Variants in AP1G1 observed in about 807,000 individuals in gnomAD.
AP1G1 encodes the protein AP-1 complex subunit gamma-1.
A neutral mutation model predicts 108.3 loss-of-function variants in AP1G1; 7 were observed. The observed-to-expected ratio is 0.06, with a 90% CI of 0.04 to 0.12. The LOEUF (loss-of-function observed/expected upper bound fraction) is 0.12, where lower values mean the gene tolerates loss of function less well. AP1G1 is among the 10% of genes least tolerant of loss of function. The probability of loss-of-function intolerance (pLI) is 1.00; values close to 1 mark genes in which losing one functional copy is unlikely to be tolerated. For synonymous variants in AP1G1, 379 were observed against 353.5 expected, an observed-to-expected ratio of 1.07 and a Z score of -0.81; for missense variants, 756 against 1,010.7, an observed-to-expected ratio of 0.75 and a Z score of 3.42.
rs2045455634 is a variant in AP1G1, at chr16:71,729,238, A to G, written c.*3820T>C. 1 of 152,452 alleles carries G rather than the reference A, an allele frequency of 6.6e-6. No homozygotes were observed. The allele number at this position is 152,452 out of a possible 1,614,324, so 9.4% of individuals were successfully genotyped here. On this transcript the variant is annotated 3_prime_UTR_variant, in exon 23 of 23. Coordinates refer to ENST00000299980, the MANE Select transcript of AP1G1 (RefSeq NM_001128.6). Reference sequence around the variant, plus strand: ...TGTCCCACTTGGAAACAGCTTTTTAATATTTTTACAGTAAAGAAGATGTGA... The same window carrying G: ...TGTCCCACTTGGAAACAGCTTTTTAGTATTTTTACAGTAAAGAAGATGTGA...
Position 71,769,654 on chromosome 16 carries a change from C to A in AP1G1, c.611G>T (p.Arg204Leu). The A allele has an allele frequency of 6.2e-7, 1 of 1,613,612 alleles. No individual in the cohort carries two copies. Among genetic ancestry groups the A allele is most frequent in the Non-Finnish European group, 8.5e-7 (1 of 1,179,690 alleles). ...SVVLLTEMCE[R>L]SPDMLAHFRK... ...GAAATGCGCAAGCATGTCTGGGCTT[C>A]GCTCACACATTTCTGTGAGGAGGAC... Residue 204 changes from arginine (R) to leucine (L), a missense_variant, in exon 6 of 23, where the codon CGA (arginine) becomes CTA (leucine). Around this residue, in one of 3 missense-constraint regions of AP1G1, gnomAD observed 304 missense variants for 483.6 expected, o/e 0.63. Coordinates refer to ENST00000299980, the MANE Select transcript of AP1G1 (RefSeq NM_001128.6).
chr16:71,795,936 G>C (rs1402322149), intron 1 of AP1G1, among the ~76,000 whole-genome samples: 3 of 152,192 alleles, frequency 2.0e-5, no homozygotes, highest in Non-Finnish European at 4.4e-5. Context: ...TTGAATAGGA[G>C]AGATTAAATC....
rs2031230708 is a variant in AP1G1 at position 71,764,438 on chromosome 16, T to C, written c.830A>G (p.Asn277Ser). 2 of 1,605,272 alleles carry C rather than the reference T, an allele frequency of 1.2e-6. No individual in the cohort carries two copies. The highest frequency in any genetic ancestry group is 2.7e-5 in the African/African-American group (2 of 74,598). Residue 277 changes from asparagine (N) to serine (S), a missense_variant, in exon 9 of 23, where the codon AAT becomes AGT. Asn to Ser is a conservative substitution (Grantham distance 46, BLOSUM62 1). Around this residue, in one of 3 missense-constraint regions of AP1G1, gnomAD observed 304 missense variants for 483.6 expected, o/e 0.63. Transcript: ENST00000299980. ...TCCTACATTTTTACTAGTCTCAGTA[T>C]TAGTGGCAACCTGAAAAGACATATC... ...MNDILAQVAT[N>S]TETSKNVGNA...
At chr16:71,803,048 C>T (rs2142286291) in intron 1 of AP1G1, among the ~76,000 whole-genome samples, 1 of 152,002 alleles carries the variant, frequency 6.6e-6, no homozygotes, top group East Asian at 1.9e-4. Context: ...AACCCCGTCT[C>T]CACTAAAAAT....
At chr16:71,784,323 G>A (rs538044972) in intron 2 of AP1G1, among the ~76,000 whole-genome samples, 1 of 152,172 alleles carries the variant, frequency 6.6e-6, no homozygotes, top group Admixed American at 6.5e-5. Flanking sequence ...GTCACATCCA[G>A]GCAATCTGGT....
intron 1 of AP1G1, among the ~76,000 whole-genome samples, chr16:71,799,689 A>T (rs966981692): frequency 6.0e-5 from 9 of 149,596 alleles, no homozygotes; most frequent in African/African-American, 2.2e-4. Flanking sequence ...TCATGAAGTC[A>T]GGAGATCAAG....
chr16:71,805,242 G>A (rs576836598), intron 1 of AP1G1, among the ~76,000 whole-genome samples: 1 of 152,178 alleles, frequency 6.6e-6, no homozygotes, highest in East Asian at 1.9e-4. Flanking sequence ...GAGCTCAGGA[G>A]TTCGAGACCA....
At chr16:71,749,110 T>C (rs1306899864) in intron 15 of AP1G1, among the ~76,000 whole-genome samples, 4 of 152,084 alleles carry the variant, frequency 2.6e-5, no homozygotes, top group Non-Finnish European at 5.9e-5. Context: ...GGTTTCACTG[T>C]GTTAGCCAGG....
At chr16:71,795,874 G>A (rs2032567792) in intron 1 of AP1G1, among the ~76,000 whole-genome samples, 1 of 152,184 alleles carries the variant, frequency 6.6e-6, no homozygotes. Flanking sequence ...TCACAGAAGG[G>A]AAATGGTCTA....
At chr16:71,777,761 G>C in intron 2 of AP1G1, 1 of 444,818 alleles carries the variant, frequency 2.2e-6, no homozygotes, top group Non-Finnish European at 4.7e-6. Context: ...TTTCTGGCTT[G>C]CCTCCTCCTC....
intron 9 of AP1G1, among the ~76,000 whole-genome samples, 175 bp from the exon 10 acceptor site, chr16:71,761,742 G>A (rs150564211): frequency 8.0e-5 from 12 of 150,214 alleles, no homozygotes; most frequent in South Asian, 2.1e-4. Flanking sequence ...GGCCAAGGCC[G>A]GTGGATCGCC....
rs563735045 is a variant in AP1G1 at position 71,749,963 on chromosome 16, A to T, written c.1428T>A (p.Ala476=). The change falls in exon 15 of 23, where the codon GCT becomes GCA. Residue 476 remains alanine (A), a synonymous_variant. Coordinates refer to ENST00000299980, the MANE Select transcript of AP1G1 (RefSeq NM_001128.6). ...DYSQQPLVQV[A]AWCIGEYGDL... ...CACCATATTCACCTATACACCATGC[A>T]GCCACTTGTACCAAAGGTTGCTGTG... 2.5e-5 allele frequency: 41 copies of T among 1,613,328 alleles called. 1 individual carries two copies. In the South Asian group the frequency reaches 4.4e-4, roughly 17 times the overall value.
chr16:71,770,379 G>C (rs1018341178), intron 5 of AP1G1, among the ~76,000 whole-genome samples: 2 of 152,150 alleles, frequency 1.3e-5, no homozygotes, highest in Non-Finnish European at 2.9e-5. Context: ...AAAATAAAAT[G>C]TTTGAGAAAA....
At chr16:71,744,296 G>A (rs995770947) in intron 19 of AP1G1, among the ~76,000 whole-genome samples, 1 of 152,126 alleles carries the variant, frequency 6.6e-6, no homozygotes, top group East Asian at 1.9e-4. Context: ...TGCTGAACAT[G>A]TCAATTACAA....
intron 1 of AP1G1, among the ~76,000 whole-genome samples, chr16:71,793,283 C>G (rs1567662841): frequency 2.0e-5 from 3 of 152,188 alleles, no homozygotes; most frequent in Non-Finnish European, 4.4e-5. Flanking sequence ...AATCCAAAAA[C>G]ACATTTTTAT....
At chr16:71,741,226 ATC>A (rs2045616527) in intron 19 of AP1G1, among the ~76,000 whole-genome samples, 1 of 152,190 alleles carries the variant, frequency 6.6e-6, no homozygotes, top group Non-Finnish European at 1.5e-5. Context: ...CTAGAATATC[ATC>A]TTTTTTTAAG....
intron 1 of AP1G1, among the ~76,000 whole-genome samples, chr16:71,802,459 G>A (rs2032837517): frequency 6.6e-6 from 1 of 152,178 alleles, no homozygotes; most frequent in African/African-American, 2.4e-5. Context: ...GCCAGGCGCG[G>A]TAGCTCATGC....
intron 2 of AP1G1, among the ~76,000 whole-genome samples, chr16:71,779,806 G>A (rs2031935772): frequency 6.6e-6 from 1 of 151,868 alleles, no homozygotes; most frequent in African/African-American, 2.4e-5. Flanking sequence ...TATTTTGTTA[G>A]CTTTTAGAAC....
intron 1 of AP1G1, among the ~76,000 whole-genome samples, chr16:71,798,171 T>C (rs748464574): frequency 2.0e-5 from 3 of 152,170 alleles, no homozygotes; most frequent in Middle Eastern, 3.4e-3. Flanking sequence ...TAAGGCTGGG[T>C]GCGGTGGCTC....
Sources: gnomAD v4.1 joint callset for allele counts (sites outside exome capture counted in the v4.1 genomes callset) on GRCh38, gnomAD v4.1.1 for gene constraint, gnomAD v4.1.1 regional missense constraint, MANE v1.5 for transcripts, NCBI Gene and HGNC (gene_info 2026-07-23, HGNC 2026-07-21) for gene names.